NCKAP1: variants seen among roughly 807,000 people sequenced by gnomAD.
NCKAP1 encodes the protein NCK associated protein 1.
In NCKAP1, 21 loss-of-function variants were observed where a neutral mutation model predicts 151.2. That is an observed-to-expected ratio of 0.14 (90% CI 0.10 to 0.20). The LOEUF is 0.20. Ranked by LOEUF, NCKAP1 falls within the 10% of genes least tolerant of loss-of-function variation. The pLI is 1.00. For synonymous variants in NCKAP1, 484 were observed against 451.8 expected (o/e 1.07, Z -0.90); for missense variants, 933 against 1,352.1 (o/e 0.69, Z 4.86).
chr2:182,993,238 C>T (rs1279765618), intron 8 of NCKAP1, among the ~76,000 whole-genome samples: 6 of 152,126 alleles, frequency 3.9e-5, no homozygotes, highest in Non-Finnish European at 7.4e-5. Context: ...ACTTCATTTG[C>T]GTGGACTCAA....
At chr2:182,941,307 T>C (rs1286437303) in intron 24 of NCKAP1, among the ~76,000 whole-genome samples, 1 of 152,228 alleles carries the variant, frequency 6.6e-6, no homozygotes, top group African/African-American at 2.4e-5. Flanking sequence ...TAAGATTCAC[T>C]GTGATTTCAC....
At position 182,921,248 on chromosome 2, in the gene NCKAP1, T is replaced by G. The variant is rs1696546414; in HGVS notation, c.*4454A>C. 1 of 152,206 alleles carries G rather than the reference T, an allele frequency of 6.6e-6. No homozygotes were observed. The highest frequency in any genetic ancestry group is 2.4e-5 in the African/African-American group (1 of 41,458). 9.4% of individuals were successfully genotyped at this position (152,206 alleles called of 1,614,324 possible). ...ACTGCATTAAATTTAAAAAATGAGC[T>G]TTAATAAAATTACAGTAAATTTTAA... On this transcript the variant is annotated 3_prime_UTR_variant, in exon 31 of 31. Transcript: ENST00000361354.
intron 6 of NCKAP1, among the ~76,000 whole-genome samples, chr2:182,997,017 T>G (rs1698283385): frequency 6.6e-6 from 1 of 152,152 alleles, no homozygotes; most frequent in Non-Finnish European, 1.5e-5. Context: ...TCCTCTAGAT[T>G]TTCTAGTTTG....
intron 2 of NCKAP1, chr2:183,022,764 C>T (rs1422761994): frequency 6.6e-6 from 1 of 152,120 alleles, no homozygotes; most frequent in Admixed American, 6.6e-5. Flanking sequence ...TACATGGAAG[C>T]GTTTTTAAGC....
chr2:182,959,120 T>C (rs543050364), intron 18 of NCKAP1, among the ~76,000 whole-genome samples: 3 of 152,344 alleles, frequency 2.0e-5, no homozygotes, highest in South Asian at 2.1e-4. Context: ...AGGAAAGTTA[T>C]TTAGTCATTA....
rs966245048 is a variant in NCKAP1, at chr2:182,918,607, C to T, written c.*7095G>A. 6.6e-6 allele frequency: 1 copy of T among 152,194 alleles called. No homozygotes were observed. Among genetic ancestry groups the T allele is most frequent in the African/African-American group, 2.4e-5 (1 of 41,446 alleles). 9.4% of individuals were successfully genotyped at this position (152,194 alleles called of 1,614,324 possible). On this transcript the variant is annotated 3_prime_UTR_variant, in exon 31 of 31. Coordinates refer to ENST00000361354, the MANE Select transcript of NCKAP1 (RefSeq NM_013436.5). ...AACAGAAAACCAAATACCGTATGTT[C>T]TCACTTGTAAGTGGGAGCTAAGCTA...
intron 25 of NCKAP1, 74 bp from the exon 26 acceptor site, chr2:182,934,906 T>C (rs905815305): frequency 1.2e-5 from 8 of 675,666 alleles, no homozygotes; most frequent in Middle Eastern, 2.6e-4. Context: ...ATATTACCAA[T>C]TGATTAATTT....
At chr2:183,013,047 ACT>A (rs1390732529) in intron 2 of NCKAP1, among the ~76,000 whole-genome samples, 2 of 151,934 alleles carry the variant, frequency 1.3e-5, no homozygotes, top group African/African-American at 4.8e-5. Context: ...TACTTTGCTG[ACT>A]CTGATCTCAA....
intron 14 of NCKAP1, among the ~76,000 whole-genome samples, chr2:182,977,276 G>A (rs72886597): frequency 0.087 from 13,309 of 152,104 alleles, 719 homozygotes; most frequent in Non-Finnish European, 0.12. Flanking sequence ...GTCACCTAAG[G>A]GTCAGGAGTT....
At chr2:183,028,398 A>G (rs1698940004) in intron 1 of NCKAP1, among the ~76,000 whole-genome samples, 2 of 152,140 alleles carry the variant, frequency 1.3e-5, no homozygotes, top group Non-Finnish European at 2.9e-5. Flanking sequence ...ATATACTTAA[A>G]TTTCCAGTTC....
rs1696557741 is a variant in NCKAP1, at chr2:182,922,015, T to G, written c.*3687A>C. 6.6e-6 allele frequency: 1 copy of G among 152,360 alleles called. No individual in the cohort carries two copies. The highest frequency in any genetic ancestry group is 6.5e-5 in the Admixed American group (1 of 15,306). 9.4% of individuals were successfully genotyped at this position (152,360 alleles called of 1,614,324 possible). A position where few individuals can be genotyped will look rare whatever the true frequency, so the allele number is the denominator to read the frequency against. On this transcript the variant is annotated 3_prime_UTR_variant, in exon 31 of 31. Transcript: ENST00000361354. ...AAATCTTCGGAGAAAGAGAGCATTT[T>G]GTCTATTTGAAAATTCAGGCTCAGG...
Position 183,034,366 on chromosome 2 carries a change from T to C in NCKAP1, c.108+3626A>G, listed in dbSNP as rs1699061973. ...CCACAATACTCCACTTTAAAAAGTTTGTAATAGTTGTATGGGTTTTTTTTT... is the reference window on the plus strand; with the variant it reads ...CCACAATACTCCACTTTAAAAAGTTCGTAATAGTTGTATGGGTTTTTTTTT... On this transcript the variant is annotated intron_variant, in intron 1 of 30. Transcript: ENST00000361354. 2.2e-5 allele frequency among the ~76,000 whole-genome samples: 3 copies of C among 137,884 alleles called. No individual in the cohort carries two copies. In the South Asian group the frequency reaches 7.7e-4, roughly 35 times the overall value. 90.5% of individuals were successfully genotyped at this position (137,884 alleles called of 152,430 possible). A position where few individuals can be genotyped will look rare whatever the true frequency, so the allele number is the denominator to read the frequency against.
chr2:182,962,133 T>C (rs755628092), intron 18 of NCKAP1, 26 bp downstream of exon 18: 79 of 1,542,688 alleles, frequency 5.1e-5, no homozygotes, highest in Non-Finnish European at 6.7e-5. Context: ...AAATTTCCTA[T>C]CTGTTGGAAA....
At chr2:182,926,652 A>G (rs1696654199) in intron 30 of NCKAP1, among the ~76,000 whole-genome samples, 164 bp downstream of exon 30, 1 of 152,088 alleles carries the variant, frequency 6.6e-6, no homozygotes, top group African/African-American at 2.4e-5. Context: ...AAATGATAAA[A>G]TATGAGTGAT....
chr2:182,995,967 C>T, intron 6 of NCKAP1, 129 bp from the exon 7 acceptor site: 1 of 795,916 alleles, frequency 1.3e-6, no homozygotes, highest in Non-Finnish European at 2.0e-6. Flanking sequence ...TACCCATGCT[C>T]CTTATAATAT....
At chr2:183,021,555 G>C (rs545535974) in intron 2 of NCKAP1, among the ~76,000 whole-genome samples, 3 of 152,178 alleles carry the variant, frequency 2.0e-5, no homozygotes, top group Non-Finnish European at 4.4e-5. Flanking sequence ...GTGTTACAGT[G>C]AGCTATGATG....
chr2:183,000,067 G>C (rs376388089), intron 6 of NCKAP1, among the ~76,000 whole-genome samples: 4 of 152,088 alleles, frequency 2.6e-5, no homozygotes, highest in East Asian at 3.9e-4. Context: ...TTTGGCAACA[G>C]GATCATTAGA....
At chr2:183,008,459 C>T (rs534170742) in intron 2 of NCKAP1, among the ~76,000 whole-genome samples, 7 of 152,242 alleles carry the variant, frequency 4.6e-5, no homozygotes, top group Admixed American at 2.0e-4. Context: ...AAGTCTAAAT[C>T]AAAGCCCTTG....
chr2:182,962,102 AC>A, intron 18 of NCKAP1, 56 bp downstream of exon 18: 1 of 1,541,684 alleles, frequency 6.5e-7, no homozygotes, highest in Non-Finnish European at 8.8e-7. Context: ...GGCTAAAAGC[AC>A]ATTTTCTTGC....
Sources: allele counts gnomAD v4.1 joint callset (sites outside exome capture counted in the v4.1 genomes callset), GRCh38; gene constraint gnomAD v4.1.1; transcripts MANE v1.5; gene names NCBI Gene and HGNC (gene_info 2026-07-23, HGNC 2026-07-21).